The following ANP32D variants were observed in gnomAD, a reference collection of about 807,000 sequenced individuals.
The protein encoded by ANP32D is acidic nuclear phosphoprotein 32 family member D, also known as acidic leucine-rich nuclear phosphoprotein 32 family member D.
In ANP32D, 6 loss-of-function variants were observed where a neutral mutation model predicts 7.8. That is an observed-to-expected ratio of 0.77 (90% CI 0.42 to 1.52). The LOEUF (loss-of-function observed/expected upper bound fraction) is 1.52. Ranked by LOEUF, ANP32D falls within the 40% of genes most tolerant of loss-of-function variation. The pLI, the probability that ANP32D is intolerant of heterozygous loss-of-function variation, is 0.01. For missense variants in ANP32D, 163 were observed against 145.9 expected (o/e 1.12, Z -0.60); for synonymous variants, 69 against 59.7 (o/e 1.16, Z -0.72).
chr12:48,472,699 G>A lies in ANP32D; in HGVS notation c.35G>A (p.Arg12Gln), dbSNP rs376422835. The change falls in exon 1 of 1, where the codon CGG (arginine) becomes CAG (glutamine). Residue 12 changes from arginine to glutamine, a missense_variant. By Grantham distance (43) the Arg-to-Gln change is conservative. Transcript: ENST00000266594. ...GGCAAATGGATTCATTTAGAGCTGC[G>A]GAACAGGACGCCCTCCGATGTGAAA... ...EMGKWIHLEL[R>Q]NRTPSDVKEL... The A allele has an allele frequency of 1.9e-4, 307 of 1,614,014 alleles. No homozygotes were observed. The highest frequency in any genetic ancestry group is 3.5e-4 in the African/African-American group (26 of 74,912).
Position 48,472,608 on chromosome 12 carries a change from G to C in ANP32D, c.-57G>C, listed in dbSNP as rs747036685. ...CTTTCAAATGTGCGGTTGTGGGTTC[G>C]GGGTTTATTGGTTGAATTCCGCTGG... On this transcript the variant is annotated 5_prime_UTR_variant, in exon 1 of 1. Coordinates refer to ENST00000266594, the MANE Select transcript of ANP32D (RefSeq NM_012404.3). 1 of 1,601,830 alleles carries C rather than the reference G, an allele frequency of 6.2e-7. No homozygotes were observed. Among genetic ancestry groups the C allele is most frequent in the Non-Finnish European group, 8.5e-7 (1 of 1,174,286 alleles).
Position 48,472,996 on chromosome 12 carries a change from A to G in ANP32D, c.332A>G (p.Lys111Arg), listed in dbSNP as rs890426022. ...CTCAGCACAATAGAGCCCCTGAAAA[A>G]GTTAGAAAACCTCGAGAGCTTAGAC... ...KDLSTIEPLK[K>R]LENLESLDLF... The change falls in exon 1 of 1, where the codon AAG becomes AGG. Residue 111 changes from lysine to arginine, a missense_variant. By Grantham distance (26) the Lys-to-Arg change is conservative. Coordinates refer to ENST00000266594, the MANE Select transcript of ANP32D (RefSeq NM_012404.3). 5.6e-6 allele frequency: 9 copies of G among 1,614,046 alleles called. No homozygotes were observed. The Admixed American group carries it at 1.2e-4, about 21-fold the overall frequency.
In ANP32D at chr12:48,472,975, G is replaced by T; in HGVS notation, c.311G>T (p.Ser104Ile). ...AGTGGCAACAAAATTAAAGACCTCA[G>T]CACAATAGAGCCCCTGAAAAAGTTA... ...NLSGNKIKDLSTIEPLKKLEN... is the reference protein window; with the variant it reads ...NLSGNKIKDLITIEPLKKLEN... The change falls in exon 1 of 1, where the codon AGC (serine) becomes ATC (isoleucine). Residue 104 changes from serine (S) to isoleucine (I), a missense_variant. By Grantham distance (142) the Ser-to-Ile change is moderately radical (BLOSUM62 -2). Coordinates refer to ENST00000266594, the MANE Select transcript of ANP32D (RefSeq NM_012404.3). 1.9e-6 allele frequency: 3 copies of T among 1,614,106 alleles called. No homozygotes were observed. Among genetic ancestry groups the T allele is most frequent in the Non-Finnish European group, 2.5e-6 (3 of 1,180,012 alleles).
At position 48,472,764 on chromosome 12, in the gene ANP32D, T is replaced by A. The variant is rs199783781; in HGVS notation, c.100T>A (p.Leu34Met). 22 of 1,614,132 alleles carry A rather than the reference T, an allele frequency of 1.4e-5. 1 individual carries two copies. The East Asian group carries it at 4.9e-4, about 36-fold the overall frequency. The change falls in exon 1 of 1, where the codon TTG (leucine) becomes ATG (methionine). Residue 34 changes from leucine to methionine, a missense_variant. Transcript: ENST00000266594. ...CAACAGTCAGTCAAATGAAGGCAAA[T>A]TGGAAGGCCTCACAGATGAATTTGA... ...LDNSQSNEGKLEGLTDEFEEL... is the reference protein window; with the variant it reads ...LDNSQSNEGKMEGLTDEFEEL...
In ANP32D at chr12:48,473,059, G is replaced by A. The variant is rs771404815; in HGVS notation, c.395G>A (p.Ter132=). The change falls in exon 1 of 1, where the codon TGA becomes TAA. Residue 132 remains the stop codon, a stop_retained_variant. Transcript: ENST00000266594. ...GAGGTAACCAACCTGAACAACTACT[G>A]AGAAAAGATGTTCAAGCTCCTCCTG... ...TCEVTNLNNY[*] 7 of 1,614,038 alleles carry A rather than the reference G, an allele frequency of 4.3e-6. No individual in the cohort carries two copies. In the Admixed American group the frequency reaches 1.0e-4, roughly 23 times the overall value.
chr12:48,473,402 A>C lies in ANP32D; in HGVS notation c.*342A>C. 10 of 807,898 alleles carry C rather than the reference A, an allele frequency of 1.2e-5. No homozygotes were observed. Among genetic ancestry groups the C allele is most frequent in the Non-Finnish European group, 1.6e-5 (8 of 490,094 alleles). 50.0% of individuals were successfully genotyped at this position (807,898 alleles called of 1,614,324 possible). A position where few individuals can be genotyped will look rare whatever the true frequency, so the allele number is the denominator to read the frequency against. On this transcript the variant is annotated 3_prime_UTR_variant, in exon 1 of 1. Transcript: ENST00000266594. ...AATAAGAAACTGAAGATGAGGGAGA[A>C]GACGATGCCTAAGTGGAATAATCTA... is the stretch of plus-strand genomic sequence containing the variant.
chr12:48,473,259 GA>G lies in ANP32D; in HGVS notation c.*201del, dbSNP rs1259836075. ...GGACGAGGATGAGGAGGAGGAACGT[GA>G]AGAGGAGGACGTGAGTGGAGACGAG... is the stretch of plus-strand genomic sequence containing the variant. On this transcript the variant is annotated 3_prime_UTR_variant, in exon 1 of 1. Transcript: ENST00000266594. 15 of 1,084,536 alleles carry G rather than the reference GA, an allele frequency of 1.4e-5. No homozygotes were observed. Among genetic ancestry groups the G allele is most frequent in the Non-Finnish European group, 2.0e-5 (14 of 716,768 alleles). 67.2% of individuals were successfully genotyped at this position (1,084,536 alleles called of 1,614,324 possible).
At position 48,472,951 on chromosome 12, in the gene ANP32D, G is replaced by C. The variant is rs1327345087; in HGVS notation, c.287G>C (p.Ser96Thr). The change falls in exon 1 of 1, where the codon AGT becomes ACT. Residue 96 changes from serine (S) to threonine (T), a missense_variant. Transcript: ENST00000266594. ...KCPNLIHLNL[S>T]GNKIKDLSTI... ...CCAAACCTCATACATCTAAATTTAA[G>C]TGGCAACAAAATTAAAGACCTCAGC... 1.2e-6 allele frequency: 2 copies of C among 1,614,144 alleles called. No homozygotes were observed. Among genetic ancestry groups the C allele is most frequent in the Admixed American group, 3.3e-5 (2 of 60,014 alleles).
At position 48,473,282 on chromosome 12, in the gene ANP32D, CGAG is replaced by C. The variant is rs1282153535; in HGVS notation, c.*229_*231del. On this transcript the variant is annotated 3_prime_UTR_variant, in exon 1 of 1. Coordinates refer to ENST00000266594, the MANE Select transcript of ANP32D (RefSeq NM_012404.3). ...GTGAAGAGGAGGACGTGAGTGGAGA[CGAG>C]GAGGAGAAGGATGAAGGTTATAACA... The C allele has an allele frequency of 1.3e-5, 14 of 1,084,984 alleles. No individual in the cohort carries two copies. Among genetic ancestry groups the C allele is most frequent in the East Asian group, 2.5e-5 (1 of 39,346 alleles). 67.2% of individuals were successfully genotyped at this position (1,084,984 alleles called of 1,614,324 possible).
Position 48,473,246 on chromosome 12 carries a change from G to A in ANP32D, c.*186G>A. The A allele has an allele frequency of 9.0e-7, 1 of 1,117,256 alleles. No homozygotes were observed. The allele number at this position is 1,117,256 out of a possible 1,614,324, so 69.2% of individuals were successfully genotyped here. A position where few individuals can be genotyped will look rare whatever the true frequency, so the allele number is the denominator to read the frequency against. On this transcript the variant is annotated 3_prime_UTR_variant, in exon 1 of 1. Coordinates refer to ENST00000266594, the MANE Select transcript of ANP32D (RefSeq NM_012404.3). ...TGGAAGATGAGGAGGACGAGGATGAGGAGGAGGAACGTGAAGAGGAGGACG... is the reference window on the plus strand; with the variant it reads ...TGGAAGATGAGGAGGACGAGGATGAAGAGGAGGAACGTGAAGAGGAGGACG...
chr12:48,473,174 G>A lies in ANP32D; in HGVS notation c.*114G>A. On this transcript the variant is annotated 3_prime_UTR_variant, in exon 1 of 1. Transcript: ENST00000266594. ...GCTTTGTGGAGTGCCTGGATGACAA[G>A]GAGGAGGATGAGGATGAGGAGGAGT... The A allele has an allele frequency of 6.8e-7, 1 of 1,473,694 alleles. No individual in the cohort carries two copies. Among genetic ancestry groups the A allele is most frequent in the Non-Finnish European group, 9.5e-7 (1 of 1,054,424 alleles). The allele number at this position is 1,473,694 out of a possible 1,614,324, so 91.3% of individuals were successfully genotyped here.
At position 48,473,178 on chromosome 12, in the gene ANP32D, G is replaced by T. The variant is rs1039168529; in HGVS notation, c.*118G>T. The T allele has an allele frequency of 7.1e-7, 1 of 1,399,174 alleles. No homozygotes were observed. 86.7% of individuals were successfully genotyped at this position (1,399,174 alleles called of 1,614,324 possible). ...TGTGGAGTGCCTGGATGACAAGGAG[G>T]AGGATGAGGATGAGGAGGAGTATGA... On this transcript the variant is annotated 3_prime_UTR_variant, in exon 1 of 1. Transcript: ENST00000266594.
Position 48,473,409 on chromosome 12 carries a change from G to T in ANP32D, c.*349G>T, listed in dbSNP as rs188909887. On this transcript the variant is annotated 3_prime_UTR_variant, in exon 1 of 1. Transcript: ENST00000266594. ...AACTGAAGATGAGGGAGAAGACGAT[G>T]CCTAAGTGGAATAATCTATTTTGAA... The T allele has an allele frequency of 2.9e-4, 219 of 764,722 alleles. No individual in the cohort carries two copies. In the African/African-American group the frequency reaches 3.6e-3, roughly 13 times the overall value. The allele number at this position is 764,722 out of a possible 1,614,324, so 47.4% of individuals were successfully genotyped here.
Position 48,473,102 on chromosome 12 carries a change from C to A in ANP32D, c.*42C>A, listed in dbSNP as rs78617679. ...TCCTCCTGCAACTCACATATCTCAA[C>A]GGCTGTGACCCGGATGACAAGGAGG... is the stretch of plus-strand genomic sequence containing the variant. On this transcript the variant is annotated 3_prime_UTR_variant, in exon 1 of 1. Coordinates refer to ENST00000266594, the MANE Select transcript of ANP32D (RefSeq NM_012404.3). The A allele has an allele frequency of 6.2e-7, 1 of 1,613,298 alleles. No individual in the cohort carries two copies. The highest frequency in any genetic ancestry group is 8.5e-7 in the Non-Finnish European group (1 of 1,179,704).
At position 48,473,405 on chromosome 12, in the gene ANP32D, C is replaced by T. The variant is rs373845491; in HGVS notation, c.*345C>T. On this transcript the variant is annotated 3_prime_UTR_variant, in exon 1 of 1. Coordinates refer to ENST00000266594, the MANE Select transcript of ANP32D (RefSeq NM_012404.3). ...AAGAAACTGAAGATGAGGGAGAAGACGATGCCTAAGTGGAATAATCTATTT... is the reference window on the plus strand; with the variant it reads ...AAGAAACTGAAGATGAGGGAGAAGATGATGCCTAAGTGGAATAATCTATTT... 8.4e-5 allele frequency: 67 copies of T among 792,940 alleles called. No homozygotes were observed. The highest frequency in any genetic ancestry group is 1.8e-4 in the South Asian group (12 of 67,266). The allele number at this position is 792,940 out of a possible 1,614,324, so 49.1% of individuals were successfully genotyped here.
rs1954091971 is a variant in ANP32D at position 48,472,935 on chromosome 12, A to T, written c.271A>T (p.Ile91Leu). The change falls in exon 1 of 1, where the codon ATA becomes TTA. Residue 91 changes from isoleucine (I) to leucine (L), a missense_variant. Coordinates refer to ENST00000266594, the MANE Select transcript of ANP32D (RefSeq NM_012404.3). ...EVLAEKCPNL[I>L]HLNLSGNKIK... ...ATTGGCAGAAAAGTGTCCAAACCTCATACATCTAAATTTAAGTGGCAACAA... is the reference window on the plus strand; with the variant it reads ...ATTGGCAGAAAAGTGTCCAAACCTCTTACATCTAAATTTAAGTGGCAACAA... 6.2e-7 allele frequency: 1 copy of T among 1,614,224 alleles called. No individual in the cohort carries two copies. Among genetic ancestry groups the T allele is most frequent in the East Asian group, 2.2e-5 (1 of 44,888 alleles).
In ANP32D at chr12:48,473,289, G is replaced by T; in HGVS notation, c.*229G>T. On this transcript the variant is annotated 3_prime_UTR_variant, in exon 1 of 1. Transcript: ENST00000266594. ...GGAGGACGTGAGTGGAGACGAGGAG[G>T]AGAAGGATGAAGGTTATAACAATGG... The T allele has an allele frequency of 2.7e-6, 3 of 1,104,318 alleles. No homozygotes were observed. The highest frequency in any genetic ancestry group is 4.1e-6 in the Non-Finnish European group (3 of 736,888). The allele number at this position is 1,104,318 out of a possible 1,614,324, so 68.4% of individuals were successfully genotyped here. A position where few individuals can be genotyped will look rare whatever the true frequency, so the allele number is the denominator to read the frequency against.
rs935731011 is a variant in ANP32D at position 48,472,606 on chromosome 12, T to C, written c.-59T>C. On this transcript the variant is annotated 5_prime_UTR_variant, in exon 1 of 1. Transcript: ENST00000266594. ...AGCTTTCAAATGTGCGGTTGTGGGT[T>C]CGGGGTTTATTGGTTGAATTCCGCT... 1 of 1,600,616 alleles carries C rather than the reference T, an allele frequency of 6.2e-7. No individual in the cohort carries two copies. Among genetic ancestry groups the C allele is most frequent in the African/African-American group, 1.3e-5 (1 of 74,378 alleles).
At position 48,473,195 on chromosome 12, in the gene ANP32D, G is replaced by T; in HGVS notation, c.*135G>T. ...ACAAGGAGGAGGATGAGGATGAGGA[G>T]GAGTATGATGAAGATGCTCAGGTAA... On this transcript the variant is annotated 3_prime_UTR_variant, in exon 1 of 1. Transcript: ENST00000266594. 1 of 1,359,460 alleles carries T rather than the reference G, an allele frequency of 7.4e-7. No homozygotes were observed. The highest frequency in any genetic ancestry group is 1.0e-6 in the Non-Finnish European group (1 of 952,712). 84.2% of individuals were successfully genotyped at this position (1,359,460 alleles called of 1,614,324 possible). A position where few individuals can be genotyped will look rare whatever the true frequency, so the allele number is the denominator to read the frequency against.
Sources: gnomAD v4.1 joint callset for allele counts on GRCh38, gnomAD v4.1.1 for gene constraint, MANE v1.5 for transcripts, NCBI Gene and HGNC (gene_info 2026-07-23, HGNC 2026-07-21) for gene names.